The following ME3 variants were observed in gnomAD, a reference collection of about 807,000 sequenced individuals.
ME3 encodes malic enzyme 3, also known as NADP-dependent malic enzyme, mitochondrial.
A neutral mutation model predicts 68.9 loss-of-function variants in ME3; 48 were observed. That is an observed-to-expected ratio of 0.70 (90% confidence interval 0.55 to 0.89). The LOEUF (loss-of-function observed/expected upper bound fraction) is 0.89. Ranked by LOEUF, ME3 falls within the 40% of genes least tolerant of loss-of-function variation. The pLI, the probability that ME3 is intolerant of heterozygous loss-of-function variation, is 0.00. For missense variants in ME3, 675 were observed against 797.4 expected, an observed-to-expected ratio of 0.85 and a Z score of 1.85; for synonymous variants, 320 against 318.8, an observed-to-expected ratio of 1.00 and a Z score of -0.04.
At chr11:86,586,192 A>T (rs944327327) in intron 2 of ME3, among the ~76,000 whole-genome samples, 1 of 152,200 alleles carries the variant, frequency 6.6e-6, no homozygotes, top group Non-Finnish European at 1.5e-5. Context: ...ACTTCCAGGT[A>T]TAGGGGCAAA....
At chr11:86,626,168 A>G (rs1303415255) in intron 2 of ME3, among the ~76,000 whole-genome samples, 1 of 152,196 alleles carries the variant, frequency 6.6e-6, no homozygotes, top group Non-Finnish European at 1.5e-5. Flanking sequence ...TCTGTGTTGC[A>G]ATGTTGGGGC....
intron 2 of ME3, among the ~76,000 whole-genome samples, chr11:86,592,173 T>C (rs1216544579): frequency 3.9e-5 from 6 of 152,210 alleles, no homozygotes; most frequent in African/African-American, 1.2e-4. Flanking sequence ...ATTACAGACA[T>C]GGGCACTGTG....
intron 4 of ME3, among the ~76,000 whole-genome samples, chr11:86,513,837 C>G (rs1042045107): frequency 6.6e-6 from 1 of 152,116 alleles, no homozygotes; most frequent in Non-Finnish European, 1.5e-5. Flanking sequence ...ATGACCTCAG[C>G]AATGTATTTA....
intron 2 of ME3, among the ~76,000 whole-genome samples, chr11:86,566,129 C>T (rs1190949821): frequency 6.6e-6 from 1 of 152,116 alleles, no homozygotes; most frequent in Non-Finnish European, 1.5e-5. Flanking sequence ...AATAGTGATC[C>T]CCTGAGTGGC....
intron 4 of ME3, among the ~76,000 whole-genome samples, chr11:86,515,690 T>C (rs768415614): frequency 2.0e-5 from 3 of 152,190 alleles, no homozygotes; most frequent in African/African-American, 7.2e-5. Flanking sequence ...CCCGCTGATA[T>C]GGTTTCCTGG....
At chr11:86,530,899 G>A (rs1037578901) in intron 4 of ME3, among the ~76,000 whole-genome samples, 15 of 67,730 alleles carry the variant, frequency 2.2e-4, no homozygotes, top group African/African-American at 8.2e-4. Context: ...AAAAACCCTA[G>A]AAGAAAACCT....
At chr11:86,598,245 C>G (rs747687609) in intron 2 of ME3, among the ~76,000 whole-genome samples, 1 of 152,178 alleles carries the variant, frequency 6.6e-6, no homozygotes, top group Non-Finnish European at 1.5e-5. Flanking sequence ...CATTCGCACC[C>G]GAATACTGCG....
intron 2 of ME3, among the ~76,000 whole-genome samples, chr11:86,598,034 G>C (rs1057297643): frequency 6.6e-6 from 1 of 152,144 alleles, no homozygotes; most frequent in Non-Finnish European, 1.5e-5. Context: ...GAAGATGGGT[G>C]ATTTCTGCAT....
At chr11:86,668,343 A>G (rs548790399) in intron 2 of ME3, 3 of 152,232 alleles carry the variant, frequency 2.0e-5, no homozygotes, top group Non-Finnish European at 4.4e-5. Context: ...TGACCTGATA[A>G]AATATCCATC....
intron 2 of ME3, among the ~76,000 whole-genome samples, chr11:86,580,661 C>A (rs1012650399): frequency 1.3e-5 from 2 of 152,284 alleles, no homozygotes; most frequent in East Asian, 3.9e-4. Context: ...CACATCCCTA[C>A]GAAATAGAAA....
chr11:86,554,210 A>G (rs1190339471), intron 4 of ME3, among the ~76,000 whole-genome samples: 2 of 152,180 alleles, frequency 1.3e-5, no homozygotes, highest in Non-Finnish European at 2.9e-5. Context: ...AGCCACTACA[A>G]TCTAGTTTCC....
intron 7 of ME3, among the ~76,000 whole-genome samples, chr11:86,473,078 C>T (rs1246561516): frequency 6.6e-6 from 1 of 152,182 alleles, no homozygotes; most frequent in Admixed American, 6.5e-5. Context: ...TCTCAGGCAG[C>T]GCCTGTGCAC....
chr11:86,490,897 G>A (rs1951965564), intron 6 of ME3, among the ~76,000 whole-genome samples: 1 of 152,102 alleles, frequency 6.6e-6, no homozygotes, highest in Non-Finnish European at 1.5e-5. Context: ...TTCCCCAGTG[G>A]CACTAAGGGA....
chr11:86,626,157 G>A (rs1341387030), intron 2 of ME3, among the ~76,000 whole-genome samples: 1 of 152,110 alleles, frequency 6.6e-6, no homozygotes, highest in Non-Finnish European at 1.5e-5. Flanking sequence ...CTCCTCTATT[G>A]TCTGTGTTGC....
intron 7 of ME3, among the ~76,000 whole-genome samples, chr11:86,466,163 C>T (rs1415705654): frequency 1.3e-5 from 2 of 152,204 alleles, no homozygotes; most frequent in South Asian, 2.1e-4. Context: ...TCATTTGCTA[C>T]AGGCCCCCTC....
At chr11:86,544,023 A>G (rs568594086) in intron 4 of ME3, among the ~76,000 whole-genome samples, 1 of 129,442 alleles carries the variant, frequency 7.7e-6, no homozygotes, top group African/African-American at 3.0e-5. Context: ...GCACAACTAC[A>G]TGTAAACTGA....
intron 4 of ME3, among the ~76,000 whole-genome samples, chr11:86,551,878 C>T (rs1956704870): frequency 6.6e-6 from 1 of 152,236 alleles, no homozygotes; most frequent in African/African-American, 2.4e-5. Context: ...AGTCCCACTT[C>T]CCAGCCTCAC....
chr11:86,470,447 T>A (rs541627245), intron 7 of ME3, among the ~76,000 whole-genome samples: 3 of 150,992 alleles, frequency 2.0e-5, no homozygotes, highest in African/African-American at 7.3e-5. Flanking sequence ...TCTTTTTTTT[T>A]CTATTTTACA....
At chr11:86,521,432 AAT>A (rs1954297887) in intron 4 of ME3, among the ~76,000 whole-genome samples, 1 of 125,374 alleles carries the variant, frequency 8.0e-6, no homozygotes, top group South Asian at 2.3e-4. Context: ...ACAAAACAAA[AAT>A]AATAATAATA....
Sources: allele counts gnomAD v4.1 joint callset (sites outside exome capture counted in the v4.1 genomes callset), GRCh38; gene constraint gnomAD v4.1.1; transcripts MANE v1.5; gene names NCBI Gene and HGNC (gene_info 2026-07-23, HGNC 2026-07-21).